The following TNRC6C variants were observed in gnomAD, a reference collection of about 807,000 sequenced individuals.
TNRC6C encodes the protein trinucleotide repeat containing adaptor 6C.
In TNRC6C, 20 loss-of-function variants were observed where a neutral mutation model predicts 153.7. The ratio of observed to expected loss-of-function variants is 0.13; its 90% CI spans 0.09 to 0.19. The LOEUF (loss-of-function observed/expected upper bound fraction) is 0.19. TNRC6C is among the 10% of genes least tolerant of loss of function. The probability of loss-of-function intolerance (pLI) is 1.00; values close to 1 mark genes in which losing one functional copy is unlikely to be tolerated. For missense variants in TNRC6C, 1,987 were observed against 2,172.0 expected (o/e 0.91, Z 1.69); for synonymous variants, 811 against 841.4 (o/e 0.96, Z 0.63).
rs545066452 is a variant in TNRC6C, at chr17:78,050,651, C to T, written c.1589C>T (p.Ala530Val). The T allele has an allele frequency of 1.5e-5, 23 of 1,562,896 alleles. No individual in the cohort carries two copies. The highest frequency in any genetic ancestry group is 1.3e-4 in the East Asian group (6 of 44,452). ...GGTTGGGGAGACAGCAACAACAAAG[C>T]GCCAAGTGGCCCGGGGGTTTGGGGG... Residue 530 changes from alanine to valine, a missense_variant, in exon 3 of 20, where the codon GCG (alanine) becomes GTG (valine). Physicochemically the swap from Ala to Val is moderately conservative, Grantham distance 64. This residue lies in a region of TNRC6C where 1,052 missense variants were observed against 1,017.0 expected (regional missense o/e 1.03). Transcript: ENST00000301624.
chr17:78,023,685 C>T (rs1286951882), intron 1 of TNRC6C, among the ~76,000 whole-genome samples: 2 of 151,790 alleles, frequency 1.3e-5, no homozygotes, highest in Non-Finnish European at 2.9e-5. Context: ...ACACATCTGT[C>T]GTCCTAGCCA....
At chr17:78,009,366 G>A (rs926815487) in intron 1 of TNRC6C, among the ~76,000 whole-genome samples, 4 of 151,948 alleles carry the variant, frequency 2.6e-5, no homozygotes, top group African/African-American at 9.7e-5. Flanking sequence ...GATTGAGTGA[G>A]GGTTTTTTTA....
At chr17:77,980,457 C>T (rs1219716591) in intron 1 of TNRC6C, among the ~76,000 whole-genome samples, 1 of 152,160 alleles carries the variant, frequency 6.6e-6, no homozygotes, top group African/African-American at 2.4e-5. Flanking sequence ...GCAGTCAGTT[C>T]TGCAGTGGAC....
chr17:77,958,948 A>G (rs1256854412), upstream of TNRC6C, among the ~76,000 whole-genome samples: 38 of 141,038 alleles, frequency 2.7e-4, no homozygotes, highest in South Asian at 6.6e-4. Context: ...CGCAGCTGCC[A>G]CCGCCGCCGC....
chr17:78,056,680 TG>T (rs1373892138), intron 3 of TNRC6C, among the ~76,000 whole-genome samples: 1 of 151,830 alleles, frequency 6.6e-6, no homozygotes, highest in Non-Finnish European at 1.5e-5. Context: ...TTAGCCAGGA[TG>T]GTCTCGGTCT....
At chr17:78,076,327 T>G (rs2073084629) in intron 8 of TNRC6C, among the ~76,000 whole-genome samples, 1 of 152,104 alleles carries the variant, frequency 6.6e-6, no homozygotes, top group Non-Finnish European at 1.5e-5. Flanking sequence ...CTGCCTCAGC[T>G]GCAGCTGTGG....
At chr17:78,023,648 T>G (rs1310793858) in intron 1 of TNRC6C, among the ~76,000 whole-genome samples, 1 of 151,158 alleles carries the variant, frequency 6.6e-6, no homozygotes, top group African/African-American at 2.4e-5. Flanking sequence ...CTACTAAAGA[T>G]ACAAAAAATT....
intron 1 of TNRC6C, among the ~76,000 whole-genome samples, chr17:78,018,656 C>T (rs1022819027): frequency 1.3e-5 from 2 of 152,152 alleles, no homozygotes; most frequent in African/African-American, 4.8e-5. Flanking sequence ...ATGTATCTTA[C>T]TTACACATCA....
Position 77,969,173 on chromosome 17 carries a change from T to C in TNRC6C, c.-38+9905T>C, listed in dbSNP as rs901981826. 5.3e-4 allele frequency among the ~76,000 whole-genome samples: 80 copies of C among 152,174 alleles called. 1 individual carries two copies. The highest frequency in any genetic ancestry group is 5.2e-3 in the Admixed American group (79 of 15,276). On this transcript the variant is annotated intron_variant, in intron 1 of 22. Transcript: ENST00000636222. ...ACTCTGAAGAAGCCAGGTCACCTAA[T>C]TCCATTGGCTGTGCTCCTCACCGCT...
chr17:78,092,972 A>G, exon 15 of TNRC6C: 2 of 1,613,916 alleles, frequency 1.2e-6, no homozygotes, highest in Non-Finnish European at 1.7e-6. Flanking sequence ...CCTCCAGGTA[A>G]GTCCTCCATT....
chr17:78,033,975 T>G (rs2072127928), intron 2 of TNRC6C, among the ~76,000 whole-genome samples: 1 of 152,142 alleles, frequency 6.6e-6, no homozygotes, highest in Non-Finnish European at 1.5e-5. Context: ...GCACAAACTC[T>G]CCGTTTTTCT....
chr17:78,047,985 A>G (rs1209859681), intron 2 of TNRC6C, among the ~76,000 whole-genome samples: 7 of 152,228 alleles, frequency 4.6e-5, no homozygotes. Flanking sequence ...GTTAAATACT[A>G]TAAGAAGATG....
rs970319197 is a variant in TNRC6C, at chr17:78,048,422, A to G, written c.-218-423A>G. 5.9e-5 allele frequency among the ~76,000 whole-genome samples: 9 copies of G among 152,130 alleles called. No individual in the cohort carries two copies. The South Asian group carries it at 1.9e-3, about 31-fold the overall frequency. ...TCGCCTCTATATAATACTGTAACCT[A>G]ATTAGAGGTCTTAAAGAGAACTACA... On this transcript the variant is annotated intron_variant, in intron 2 of 19. Coordinates refer to ENST00000301624, the Ensembl canonical transcript of TNRC6C.
At chr17:77,994,629 C>T (rs191697271) in intron 1 of TNRC6C, among the ~76,000 whole-genome samples, 58 of 152,236 alleles carry the variant, frequency 3.8e-4, no homozygotes, top group African/African-American at 1.3e-3. Context: ...GACAGACCAA[C>T]GCTTATATGG....
intron 1 of TNRC6C, among the ~76,000 whole-genome samples, chr17:77,961,050 C>A (rs1678197518): frequency 6.6e-6 from 1 of 152,012 alleles, no homozygotes; most frequent in Admixed American, 6.6e-5. Context: ...AGTAAACACA[C>A]ACACACACTC....
intron 3 of TNRC6C, among the ~76,000 whole-genome samples, chr17:78,055,289 C>T (rs780296842): frequency 3.3e-5 from 5 of 152,134 alleles, no homozygotes; most frequent in Non-Finnish European, 5.9e-5. Flanking sequence ...TACACAGGGC[C>T]GGGATCTTCA....
At chr17:77,997,920 C>T (rs976730962) in intron 1 of TNRC6C, among the ~76,000 whole-genome samples, 3 of 152,222 alleles carry the variant, frequency 2.0e-5, no homozygotes, top group African/African-American at 7.2e-5. Context: ...TCCCAACGTG[C>T]TGGGATTACA....
chr17:77,959,005 G>T (rs2070836941), upstream of TNRC6C, among the ~76,000 whole-genome samples: 1 of 145,268 alleles, frequency 6.9e-6, no homozygotes, highest in Non-Finnish European at 1.5e-5. Context: ...ATCCCGCCGG[G>T]CGTGAGGAGG....
Position 78,090,555 on chromosome 17 carries a change from T to C in TNRC6C, c.3803-885T>C, listed in dbSNP as rs185652156. Among the ~76,000 whole-genome samples the C allele has an allele frequency of 1.4e-3, 214 of 152,332 alleles. 1 individual carries two copies. Among genetic ancestry groups the C allele is most frequent in the African/African-American group, 4.3e-3 (179 of 41,574 alleles). Reference sequence around the variant, plus strand: ...GGGGGCGCTTGTGCTGGTTATTCCCTTCCAAACAAGCAGTCTGTCCTGCTC... The same window carrying C: ...GGGGGCGCTTGTGCTGGTTATTCCCCTCCAAACAAGCAGTCTGTCCTGCTC... On this transcript the variant is annotated intron_variant, in intron 13 of 19. Coordinates refer to ENST00000301624, the Ensembl canonical transcript of TNRC6C.
Sources: gnomAD v4.1 joint callset for allele counts (sites outside exome capture counted in the v4.1 genomes callset) on GRCh38, gnomAD v4.1.1 for gene constraint, gnomAD v4.1.1 regional missense constraint, MANE v1.5 for transcripts, NCBI Gene and HGNC (gene_info 2026-07-23, HGNC 2026-07-21) for gene names.